The following UNC13B variants were observed in gnomAD, a reference collection of about 807,000 sequenced individuals.
UNC13B encodes unc-13 homolog B.
UNC13B carries 144 observed loss-of-function variants against 211.0 expected under a neutral mutation model. The ratio of observed to expected loss-of-function variants is 0.68; its 90% CI spans 0.60 to 0.78. The LOEUF (loss-of-function observed/expected upper bound fraction) is 0.78. Among genes scored for constraint, UNC13B ranks in the 30% least tolerant of loss-of-function variants. UNC13B has a pLI of 0.00. For missense variants in UNC13B, 1,777 were observed against 2,002.0 expected (o/e 0.89, Z 2.14); for synonymous variants, 709 against 725.8 (o/e 0.98, Z 0.37).
chr9:35,215,716 G>A (rs1262488546), intron 1 of UNC13B, among the ~76,000 whole-genome samples: 2 of 152,040 alleles, frequency 1.3e-5, no homozygotes, highest in African/African-American at 4.8e-5. Flanking sequence ...CTATTGACAG[G>A]GACAAAATGA....
At chr9:35,197,728 T>C (rs1157029932) in intron 1 of UNC13B, among the ~76,000 whole-genome samples, 2 of 151,230 alleles carry the variant, frequency 1.3e-5, no homozygotes, top group Non-Finnish European at 2.9e-5. Flanking sequence ...TCTCATGAGA[T>C]CTTGTTGTTT....
intron 11 of UNC13B, chr9:35,351,563 A>G (rs1257905229): frequency 1.6e-6 from 2 of 1,232,244 alleles, no homozygotes; most frequent in African/African-American, 3.1e-5. Flanking sequence ...GGAAGAAATC[A>G]TGGTTACCTT....
At chr9:35,297,765 G>A (rs1262956400) in intron 8 of UNC13B, among the ~76,000 whole-genome samples, 1 of 150,968 alleles carries the variant, frequency 6.6e-6, no homozygotes, top group Non-Finnish European at 1.5e-5. Flanking sequence ...TAGCCAGGAT[G>A]GTCTCGATCT....
chr9:35,216,095 T>C (rs968775288), intron 1 of UNC13B, among the ~76,000 whole-genome samples: 2 of 152,234 alleles, frequency 1.3e-5, no homozygotes, highest in Non-Finnish European at 2.9e-5. Context: ...GAAAATATGT[T>C]AATGTATTGT....
In UNC13B at chr9:35,376,074, T is replaced by G; in HGVS notation, c.9662T>G (p.Ile3221Ser). 1 of 1,614,240 alleles carries G rather than the reference T, an allele frequency of 6.2e-7. No individual in the cohort carries two copies. The change falls in exon 15 of 40, where the codon ATT becomes AGT. Residue 3221 changes from isoleucine (I) to serine (S), a missense_variant. Coordinates refer to ENST00000635942, the MANE Select transcript of UNC13B (RefSeq NM_001371189.2). ...ACCCTGCAGGCCTTAATCTACCCCA[T>G]TTCGTGCACCACTCCTCATAACTTT... Reference protein sequence around the residue: ...KKTLQALIYPISCTTPHNFEV... With the variant: ...KKTLQALIYPSSCTTPHNFEV...
chr9:35,350,216 T>C (rs199872407), intron 11 of UNC13B, among the ~76,000 whole-genome samples: 2 of 152,338 alleles, frequency 1.3e-5, no homozygotes, highest in East Asian at 3.9e-4. Context: ...GAGGTAATCA[T>C]CGTCTCTGCC....
intron 6 of UNC13B, among the ~76,000 whole-genome samples, chr9:35,248,802 C>T (rs1165302973): frequency 1.3e-5 from 2 of 152,026 alleles, no homozygotes; most frequent in Non-Finnish European, 2.9e-5. Context: ...AGAGTAAGTG[C>T]GGTGTGGTGC....
At chr9:35,389,802 T>C in intron 24 of UNC13B, 44 bp from the exon 25 acceptor site, 2 of 1,609,062 alleles carry the variant, frequency 1.2e-6, no homozygotes, top group Non-Finnish European at 1.7e-6. Flanking sequence ...TACATTCTAC[T>C]CTGACTCTTT....
chr9:35,363,209 T>C (rs1051130696), intron 11 of UNC13B, among the ~76,000 whole-genome samples: 1 of 152,188 alleles, frequency 6.6e-6, no homozygotes. Context: ...GCTCTGTCAA[T>C]GGATTGATTT....
intron 2 of UNC13B, among the ~76,000 whole-genome samples, chr9:35,230,911 T>A (rs1257970213): frequency 2.6e-5 from 4 of 152,180 alleles, no homozygotes; most frequent in Admixed American, 2.0e-4. Context: ...AAAATAGTAT[T>A]TTAGATTATG....
intron 37 of UNC13B, 37 bp downstream of exon 37, chr9:35,400,480 C>T (rs1301563848): frequency 6.3e-7 from 1 of 1,595,406 alleles, no homozygotes. Context: ...CACCTCTCCT[C>T]TCTGATACAC....
At chr9:35,366,000 T>C (rs1833746685) in intron 11 of UNC13B, among the ~76,000 whole-genome samples, 1 of 152,218 alleles carries the variant, frequency 6.6e-6, no homozygotes, top group African/African-American at 2.4e-5. Flanking sequence ...CTCCCCACTT[T>C]AGCTCTCCAA....
chr9:35,389,843 A>C lies in UNC13B; in HGVS notation c.11095-3A>C, dbSNP rs1835418157. On this transcript the variant is annotated splice_polypyrimidine_tract_variant and splice_region_variant and intron_variant, in intron 24 of 39. Coordinates refer to ENST00000635942, the MANE Select transcript of UNC13B (RefSeq NM_001371189.2). The stretch of plus-strand genomic sequence containing the variant: ...TCTCTCTCACTGTGTCCTCTGGATC[A>C]AGAAGCAGGAGCTACCTCCAGAGGA... 1 of 1,613,990 alleles carries C rather than the reference A, an allele frequency of 6.2e-7. No individual in the cohort carries two copies. The highest frequency in any genetic ancestry group is 8.5e-7 in the Non-Finnish European group (1 of 1,179,996).
At chr9:35,209,668 C>A (rs531755893) in intron 1 of UNC13B, among the ~76,000 whole-genome samples, 3 of 152,194 alleles carry the variant, frequency 2.0e-5, no homozygotes, top group Admixed American at 2.0e-4. Flanking sequence ...ATGGGCCACA[C>A]GCCCAGCCAA....
In UNC13B at chr9:35,313,880, A is replaced by G; in HGVS notation, c.9324-19A>G. 6.3e-7 allele frequency: 1 copy of G among 1,597,798 alleles called. No homozygotes were observed. The highest frequency in any genetic ancestry group is 8.6e-7 in the Non-Finnish European group (1 of 1,165,360). On this transcript the variant is annotated intron_variant, in intron 10 of 39. Coordinates refer to ENST00000635942, the MANE Select transcript of UNC13B (RefSeq NM_001371189.2). Reference sequence around the variant, plus strand: ...GGCCTTGGCTATTTTTAAGAAATGTACTTTTTCTCTGTTACAAGTTTTCCT... The same window carrying G: ...GGCCTTGGCTATTTTTAAGAAATGTGCTTTTTCTCTGTTACAAGTTTTCCT...
At chr9:35,260,644 T>C (rs1454349246) in intron 7 of UNC13B, among the ~76,000 whole-genome samples, 3 of 152,204 alleles carry the variant, frequency 2.0e-5, no homozygotes. Flanking sequence ...TTTTTCTTTA[T>C]TTAAAGAAAA....
At chr9:35,260,814 TA>T (rs1462965952) in intron 7 of UNC13B, among the ~76,000 whole-genome samples, 3 of 152,202 alleles carry the variant, frequency 2.0e-5, no homozygotes, top group Non-Finnish European at 2.9e-5. Context: ...GTGATTGATT[TA>T]ATCTTTTAAA....
intron 11 of UNC13B, among the ~76,000 whole-genome samples, chr9:35,346,218 TG>T (rs1301562694): frequency 6.6e-6 from 1 of 152,156 alleles, no homozygotes. Flanking sequence ...TGTCCTCTGT[TG>T]GGGGCTCAGA....
intron 1 of UNC13B, among the ~76,000 whole-genome samples, chr9:35,217,943 G>C (rs1338388671): frequency 6.6e-6 from 1 of 152,032 alleles, no homozygotes; most frequent in Non-Finnish European, 1.5e-5. Context: ...TCAGGAGCCT[G>C]AGCCCTGGAG....
Sources: allele counts gnomAD v4.1 joint callset (sites outside exome capture counted in the v4.1 genomes callset), GRCh38; gene constraint gnomAD v4.1.1; transcripts MANE v1.5; gene names NCBI Gene and HGNC (gene_info 2026-07-23, HGNC 2026-07-21).